NPAS3: variants seen among roughly 807,000 people sequenced by gnomAD.
NPAS3 encodes neuronal PAS domain protein 3.
In NPAS3, 14 loss-of-function variants were observed where a neutral mutation model predicts 73.1. The ratio of observed to expected loss-of-function variants is 0.19; its 90% confidence interval spans 0.13 to 0.30. The LOEUF is 0.30. NPAS3 is among the 10% of genes least tolerant of loss of function. The pLI, the probability that NPAS3 is intolerant of heterozygous loss-of-function variation, is 1.00. For missense variants in NPAS3, 1,096 were observed against 1,250.0 expected (o/e 0.88, Z 1.86); for synonymous variants, 620 against 541.5 (o/e 1.14, Z -2.01).
chr14:33,243,812 G>A (rs2048289678), intron 3 of NPAS3, among the ~76,000 whole-genome samples: 1 of 151,908 alleles, frequency 6.6e-6, no homozygotes, highest in South Asian at 2.1e-4. Flanking sequence ...ATGAGTAAGA[G>A]CTTCCCAGGA....
intron 6 of NPAS3, among the ~76,000 whole-genome samples, chr14:33,720,989 C>G (rs910098729): frequency 2.6e-5 from 4 of 152,052 alleles, no homozygotes; most frequent in African/African-American, 9.7e-5. Flanking sequence ...CTGCATGTAT[C>G]TAAATGCTTC....
chr14:33,002,182 C>T (rs547989422), intron 1 of NPAS3, among the ~76,000 whole-genome samples: 2 of 152,248 alleles, frequency 1.3e-5, no homozygotes, highest in South Asian at 4.2e-4. Flanking sequence ...TGTTTGTGTG[C>T]ATGTTTTGTT....
At chr14:33,273,771 G>A (rs1407580031) in intron 3 of NPAS3, among the ~76,000 whole-genome samples, 1 of 152,146 alleles carries the variant, frequency 6.6e-6, no homozygotes, top group Non-Finnish European at 1.5e-5. Context: ...GAAGGCAGGG[G>A]TACTTGTTTT....
intron 3 of NPAS3, among the ~76,000 whole-genome samples, chr14:33,333,542 G>A (rs889765202): frequency 1.3e-5 from 2 of 152,006 alleles, no homozygotes; most frequent in Non-Finnish European, 2.9e-5. Flanking sequence ...TTATCCTGAG[G>A]TTGTCTAACA....
chr14:33,550,836 A>G (rs191209908), intron 4 of NPAS3, among the ~76,000 whole-genome samples: 1 of 152,334 alleles, frequency 6.6e-6, no homozygotes, highest in Admixed American at 6.5e-5. Flanking sequence ...TGGAATTCAC[A>G]GAAAACCAAT....
intron 4 of NPAS3, among the ~76,000 whole-genome samples, chr14:33,377,710 T>A (rs548969319): frequency 6.6e-6 from 1 of 152,160 alleles, no homozygotes; most frequent in Non-Finnish European, 1.5e-5. Flanking sequence ...AGGAAGCAGT[T>A]TGAGGTAACA....
At chr14:33,642,479 T>C (rs2058700963) in intron 5 of NPAS3, among the ~76,000 whole-genome samples, 1 of 152,236 alleles carries the variant, frequency 6.6e-6, no homozygotes, top group Admixed American at 6.5e-5. Flanking sequence ...ATCTTTCTTA[T>C]GGCACTAATC....
intron 3 of NPAS3, among the ~76,000 whole-genome samples, chr14:33,227,222 T>C (rs1416382726): frequency 1.3e-5 from 2 of 152,128 alleles, no homozygotes; most frequent in East Asian, 3.9e-4. Context: ...GATACTGAGC[T>C]CCTGAAGTTG....
chr14:33,004,837 A>ATTTTTTTTTTTTTTTTTTTTTT (rs2038941137), intron 1 of NPAS3, among the ~76,000 whole-genome samples: 1 of 9,408 alleles, frequency 1.1e-4, no homozygotes, highest in African/African-American at 3.3e-4. Context: ...TTTTTTTTTT[A>ATTTTTTTTTTTTTTTTTTTTTT]GTTTTAAAAC....
At chr14:33,099,536 A>G (rs1345045128) in intron 2 of NPAS3, among the ~76,000 whole-genome samples, 3 of 152,172 alleles carry the variant, frequency 2.0e-5, no homozygotes, top group South Asian at 2.1e-4. Flanking sequence ...ATAGAGTTTG[A>G]ACATGCTTTG....
intron 1 of NPAS3, among the ~76,000 whole-genome samples, chr14:32,943,467 C>T (rs1197843365): frequency 6.6e-6 from 1 of 152,062 alleles, no homozygotes; most frequent in Non-Finnish European, 1.5e-5. Context: ...TACTTATGAA[C>T]CACCTTACTC....
At chr14:33,483,470 CCA>C (rs1318469760) in intron 4 of NPAS3, among the ~76,000 whole-genome samples, 1 of 152,146 alleles carries the variant, frequency 6.6e-6, no homozygotes, top group Non-Finnish European at 1.5e-5. Flanking sequence ...CTGATCTCTC[CCA>C]CTGCATGTAG....
intron 9 of NPAS3, among the ~76,000 whole-genome samples, chr14:33,784,748 T>TATTTATTTATTTATTTATTTA (rs58424536): frequency 9.3e-6 from 1 of 107,272 alleles, no homozygotes; most frequent in East Asian, 2.5e-4. Flanking sequence ...TTTATTTATT[T>TATTTATTTATTTATTTATTTA]TTTTTTTTTT....
intron 4 of NPAS3, among the ~76,000 whole-genome samples, chr14:33,380,202 C>T (rs1197390291): frequency 6.6e-6 from 1 of 152,026 alleles, no homozygotes; most frequent in Non-Finnish European, 1.5e-5. Context: ...GAGGTAACTT[C>T]CAGTGTACTT....
chr14:33,365,816 C>T (rs2045816149), intron 3 of NPAS3, among the ~76,000 whole-genome samples: 1 of 152,176 alleles, frequency 6.6e-6, no homozygotes, highest in Admixed American at 6.5e-5. Context: ...ATTATAATCC[C>T]TACTAAGCTG....
intron 4 of NPAS3, among the ~76,000 whole-genome samples, chr14:33,393,723 A>T (rs1475241376): frequency 1.3e-5 from 2 of 152,134 alleles, no homozygotes; most frequent in African/African-American, 4.8e-5. Context: ...CTGTTGGCTC[A>T]GTTCATGATA....
chr14:33,090,069 G>A (rs957590762), intron 2 of NPAS3, among the ~76,000 whole-genome samples: 4 of 152,164 alleles, frequency 2.6e-5, no homozygotes, highest in Non-Finnish European at 5.9e-5. Flanking sequence ...GACCATCGAT[G>A]CTAGGAAGAA....
Position 33,560,109 on chromosome 14 carries a change from T to G in NPAS3, c.469-12T>G. On this transcript the variant is annotated splice_polypyrimidine_tract_variant and intron_variant, in intron 4 of 11. Transcript: ENST00000356141. ...TATTAATCTATTTATATATTTATTC[T>G]TTTTCCTGCAGTCCCTGGATGGCTT... 1.2e-6 allele frequency: 1 copy of G among 853,946 alleles called. No homozygotes were observed. Among genetic ancestry groups the G allele is most frequent in the Non-Finnish European group, 2.0e-6 (1 of 492,738 alleles). 52.9% of individuals were successfully genotyped at this position (853,946 alleles called of 1,614,324 possible). A position where few individuals can be genotyped will look rare whatever the true frequency, so the allele number is the denominator to read the frequency against.
chr14:33,090,545 A>G (rs1006951189), intron 2 of NPAS3, among the ~76,000 whole-genome samples: 2 of 152,186 alleles, frequency 1.3e-5, no homozygotes, highest in Non-Finnish European at 2.9e-5. Context: ...ACACAATAAT[A>G]ATGGGAGACT....
Sources: allele counts gnomAD v4.1 joint callset (sites outside exome capture counted in the v4.1 genomes callset), GRCh38; gene constraint gnomAD v4.1.1; transcripts MANE v1.5; gene names NCBI Gene and HGNC (gene_info 2026-07-23, HGNC 2026-07-21).